The following SCRG1 variants were observed in gnomAD, a reference collection of about 807,000 sequenced individuals.
The protein encoded by SCRG1 is scrapie-responsive protein 1.
Under a neutral mutation model 7.7 loss-of-function variants are expected in SCRG1, and 3 were observed. The ratio of observed to expected loss-of-function variants is 0.39; its 90% CI spans 0.18 to 1.01. The LOEUF is 1.01. SCRG1 is among the 50% of genes least tolerant of loss of function. The pLI, the probability that SCRG1 is intolerant of heterozygous loss-of-function variation, is 0.36. For synonymous variants in SCRG1, 46 were observed against 41.2 expected, an observed-to-expected ratio of 1.12 and a Z score of -0.44; for missense variants, 110 against 117.2, an observed-to-expected ratio of 0.94 and a Z score of 0.28.
At position 173,391,442 on chromosome 4, in the gene SCRG1, A is replaced by G; in HGVS notation, c.-14-14T>C. The stretch of plus-strand genomic sequence containing the variant: ...TGGCTTTTGGCCCTGAAATAGAAGA[A>G]AGACCAAAATGTGTCAATGTTTGTT... On this transcript the variant is annotated splice_polypyrimidine_tract_variant and intron_variant, in intron 1 of 2. Coordinates refer to ENST00000296506, the MANE Select transcript of SCRG1 (RefSeq NM_007281.4). 1 of 1,613,254 alleles carries G rather than the reference A, an allele frequency of 6.2e-7. No individual in the cohort carries two copies. Among genetic ancestry groups the G allele is most frequent in the South Asian group, 1.1e-5 (1 of 91,040 alleles).
chr4:173,453,762 G>A, the SCRG1 span, among the ~76,000 whole-genome samples: 1 of 152,144 alleles, frequency 6.6e-6, no homozygotes, highest in South Asian at 2.1e-4. Context: ...CACTAAATAT[G>A]ACAAACATTC....
the SCRG1 span, among the ~76,000 whole-genome samples, chr4:173,516,166 A>G: frequency 6.6e-6 from 1 of 152,194 alleles, no homozygotes; most frequent in Non-Finnish European, 1.5e-5. Flanking sequence ...GGGTTTTGCT[A>G]CCAGTATCAA....
At chr4:173,393,761 T>A (rs942574274) in intron 1 of SCRG1, among the ~76,000 whole-genome samples, 6 of 143,534 alleles carry the variant, frequency 4.2e-5, no homozygotes, top group Non-Finnish European at 9.4e-5. Context: ...TCATTTTAGT[T>A]CTGTCAATAT....
At chr4:173,475,146 G>GA in the SCRG1 span, among the ~76,000 whole-genome samples, 4 of 151,874 alleles carry the variant, frequency 2.6e-5, no homozygotes, top group Non-Finnish European at 5.9e-5. Context: ...GACAGAAAGA[G>GA]AAAAAAAAGA....
At chr4:173,492,714 A>G in the SCRG1 span, among the ~76,000 whole-genome samples, 1 of 152,206 alleles carries the variant, frequency 6.6e-6, no homozygotes. Context: ...GCCACTGCCC[A>G]TACTTATGTC....
At chr4:173,509,762 A>G in the SCRG1 span, among the ~76,000 whole-genome samples, 4 of 151,962 alleles carry the variant, frequency 2.6e-5, no homozygotes, top group African/African-American at 9.7e-5. This position sits in a 1 kb window ranked among gnomAD's most constrained non-coding sequence, Gnocchi z 5.7. Context: ...GAGCTGAAAG[A>G]GATTCCTCAG....
chr4:173,483,247 A>G, the SCRG1 span, among the ~76,000 whole-genome samples: 1 of 78,674 alleles, frequency 1.3e-5, no homozygotes, highest in Admixed American at 2.0e-4. Context: ...TATATGATAT[A>G]TCATATATGA....
chr4:173,403,005 A>G (rs1413840314), upstream of SCRG1: 2 of 150,840 alleles, frequency 1.3e-5, no homozygotes, highest in Non-Finnish European at 1.5e-5. Flanking sequence ...GAACTCAGTA[A>G]AAGAGTTTCC....
At chr4:173,438,954 G>A in the SCRG1 span, among the ~76,000 whole-genome samples, 2 of 151,936 alleles carry the variant, frequency 1.3e-5, no homozygotes, top group East Asian at 1.9e-4. Flanking sequence ...TCCAAGGAAC[G>A]GTTCCAATTA....
chr4:173,517,049 G>A, the SCRG1 span, among the ~76,000 whole-genome samples: 1 of 152,218 alleles, frequency 6.6e-6, no homozygotes, highest in Non-Finnish European at 1.5e-5. Flanking sequence ...GGGAGAGAGG[G>A]AGGAGGCAGG....
intron 1 of SCRG1, among the ~76,000 whole-genome samples, chr4:173,398,684 G>A (rs1471976066): frequency 3.3e-5 from 5 of 152,178 alleles, no homozygotes; most frequent in African/African-American, 1.2e-4. Context: ...AGGTAATATA[G>A]CTGCTGCATT....
the SCRG1 span, among the ~76,000 whole-genome samples, chr4:173,460,123 C>T: frequency 6.6e-6 from 1 of 152,170 alleles, no homozygotes; most frequent in Non-Finnish European, 1.5e-5. Context: ...TCGTAAGAAC[C>T]AAAACTCAGG....
the SCRG1 span, among the ~76,000 whole-genome samples, chr4:173,411,993 C>T: frequency 6.6e-6 from 1 of 152,280 alleles, no homozygotes; most frequent in East Asian, 1.9e-4. Flanking sequence ...TGCTTCTGCC[C>T]CATCTACAAC....
chr4:173,425,001 G>A, the SCRG1 span, among the ~76,000 whole-genome samples: 2 of 152,120 alleles, frequency 1.3e-5, no homozygotes, highest in Admixed American at 1.3e-4. Context: ...AAGATGCTAT[G>A]TAGAAATTGT....
At chr4:173,491,098 A>G in the SCRG1 span, among the ~76,000 whole-genome samples, 6 of 152,186 alleles carry the variant, frequency 3.9e-5, no homozygotes, top group Non-Finnish European at 7.4e-5. Flanking sequence ...TAATCTGTCA[A>G]TCTGATCCCT....
chr4:173,401,135 T>C (rs1739751551), upstream of SCRG1, among the ~76,000 whole-genome samples: 1 of 152,192 alleles, frequency 6.6e-6, no homozygotes, highest in Non-Finnish European at 1.5e-5. Context: ...GTTCCAGCCC[T>C]GACAGAGATC....
the SCRG1 span, among the ~76,000 whole-genome samples, chr4:173,479,431 G>GT: frequency 1.5e-4 from 20 of 130,034 alleles, no homozygotes; most frequent in East Asian, 2.9e-3. Context: ...TTTTTTGTTT[G>GT]TTTGTTTTTT....
At position 173,391,313 on chromosome 4, in the gene SCRG1, T is replaced by C; in HGVS notation, c.102A>G (p.Lys34=). 1.2e-6 allele frequency: 2 copies of C among 1,614,156 alleles called. No individual in the cohort carries two copies. Among genetic ancestry groups the C allele is most frequent in the Non-Finnish European group, 1.7e-6 (2 of 1,180,030 alleles). The change falls in exon 2 of 3, where the codon AAA becomes AAG. Residue 34 remains lysine (K), a synonymous_variant. Coordinates refer to ENST00000296506, the MANE Select transcript of SCRG1 (RefSeq NM_007281.4). ...NRLSCYRKIL[K]DHNCHNLPEG... Reference sequence around the variant, plus strand: ...CCGGAAGGTTGTGACAGTTGTGATCTTTTAGTATCTTTCTGTAGCAAGAGA... The same window carrying C: ...CCGGAAGGTTGTGACAGTTGTGATCCTTTAGTATCTTTCTGTAGCAAGAGA...
the SCRG1 span, among the ~76,000 whole-genome samples, chr4:173,494,703 G>C: frequency 6.6e-6 from 1 of 152,218 alleles, no homozygotes; most frequent in African/African-American, 2.4e-5. Context: ...GGGCAGCCAG[G>C]CTGCTGGCCA....
Sources: gnomAD v4.1 joint callset for allele counts (sites outside exome capture counted in the v4.1 genomes callset) on GRCh38, gnomAD v4.1.1 for gene constraint, Gnocchi (gnomAD v3.1) non-coding constraint, MANE v1.5 for transcripts, NCBI Gene and HGNC (gene_info 2026-07-23, HGNC 2026-07-21) for gene names.